DPP10: variants seen among roughly 807,000 people sequenced by gnomAD.
DPP10 encodes the protein dipeptidyl peptidase like 10.
Under a neutral mutation model 120.9 loss-of-function variants are expected in DPP10, and 33 were observed. The ratio of observed to expected loss-of-function variants is 0.27; its 90% CI spans 0.21 to 0.37. The LOEUF is 0.37. Among genes scored for constraint, DPP10 ranks in the 10% least tolerant of loss-of-function variants. The pLI, the probability that DPP10 is intolerant of heterozygous loss-of-function variation, is 1.00. For synonymous variants in DPP10, 337 were observed against 326.1 expected, an observed-to-expected ratio of 1.03 and a Z score of -0.36; for missense variants, 816 against 942.8, an observed-to-expected ratio of 0.87 and a Z score of 1.76.
At chr2:115,595,367 C>T (rs1230284464) in intron 5 of DPP10, among the ~76,000 whole-genome samples, 3 of 152,016 alleles carry the variant, frequency 2.0e-5, no homozygotes, top group Admixed American at 6.6e-5. Context: ...ATTATTAATG[C>T]TAAAGCTTAT....
chr2:115,839,673 CAAA>C (rs57734176), intron 24 of DPP10, among the ~76,000 whole-genome samples: 3 of 90,518 alleles, frequency 3.3e-5, no homozygotes, highest in Admixed American at 1.3e-4. Flanking sequence ...GACTCCATCT[CAAA>C]AAAAAAAAAA....
At chr2:115,204,042 C>T (rs542751436) in intron 1 of DPP10, among the ~76,000 whole-genome samples, 2 of 152,200 alleles carry the variant, frequency 1.3e-5, no homozygotes, top group African/African-American at 2.4e-5. Flanking sequence ...AGAGACTCCC[C>T]CTCACGTTCT....
intron 5 of DPP10, among the ~76,000 whole-genome samples, chr2:115,636,841 A>C (rs530744496): frequency 1.1e-4 from 16 of 152,320 alleles, no homozygotes; most frequent in Non-Finnish European, 1.6e-4. Flanking sequence ...ACTTCTGCTC[A>C]CATCCCTTAT....
chr2:115,259,191 C>T (rs1159476257), intron 1 of DPP10, among the ~76,000 whole-genome samples: 4 of 152,010 alleles, frequency 2.6e-5, no homozygotes, highest in African/African-American at 9.7e-5. Context: ...GAAGGAATAG[C>T]AAAAGGCCGG....
At chr2:115,840,321 T>TTTTTG in intron 24 of DPP10, among the ~76,000 whole-genome samples, 2 of 109,408 alleles carry the variant, frequency 1.8e-5, no homozygotes, top group African/African-American at 7.3e-5. Context: ...GTTTTTTGGT[T>TTTTTG]TTTTTTTTTT....
At chr2:114,939,195 G>A (rs1696707878) in intron 1 of DPP10, among the ~76,000 whole-genome samples, 1 of 152,092 alleles carries the variant, frequency 6.6e-6, no homozygotes, top group East Asian at 1.9e-4. Flanking sequence ...AGTGGAAGTG[G>A]AACATCATTA....
intron 1 of DPP10, among the ~76,000 whole-genome samples, chr2:115,268,677 G>A (rs1203056717): frequency 6.6e-6 from 1 of 152,108 alleles, no homozygotes; most frequent in Non-Finnish European, 1.5e-5. Context: ...TATCGATTAT[G>A]TACTTTGGTG....
chr2:114,850,727 T>G (rs1033815007), intron 1 of DPP10, among the ~76,000 whole-genome samples: 1 of 152,066 alleles, frequency 6.6e-6, no homozygotes, highest in African/African-American at 2.4e-5. Context: ...CCATAACCAG[T>G]TCAAAAAGGA....
At chr2:115,755,832 A>G (rs777776608) in intron 11 of DPP10, among the ~76,000 whole-genome samples, 7 of 152,020 alleles carry the variant, frequency 4.6e-5, no homozygotes, top group South Asian at 2.1e-4. Context: ...AATAGTAGGG[A>G]TGTAGAATCA....
At chr2:114,679,065 A>T (rs933333735) in intron 1 of DPP10, among the ~76,000 whole-genome samples, 3 of 152,012 alleles carry the variant, frequency 2.0e-5, no homozygotes, top group African/African-American at 7.2e-5. Context: ...CCATTCCAAT[A>T]TTGTCCACGG....
chr2:115,781,637 T>C (rs1372906742), intron 16 of DPP10, among the ~76,000 whole-genome samples: 1 of 151,938 alleles, frequency 6.6e-6, no homozygotes, highest in Non-Finnish European at 1.5e-5. Context: ...GCAGCTGATA[T>C]ATTAAGCTGT....
intron 1 of DPP10, among the ~76,000 whole-genome samples, chr2:114,615,046 TAGTG>T (rs1339095351): frequency 1.3e-5 from 2 of 152,164 alleles, no homozygotes; most frequent in African/African-American, 2.4e-5. Context: ...TGTAATTTAT[TAGTG>T]AGTCCATGGA....
intron 5 of DPP10, among the ~76,000 whole-genome samples, chr2:115,564,312 G>A (rs2149063013): frequency 7.2e-6 from 1 of 138,212 alleles, no homozygotes. Flanking sequence ...CATCCTACTT[G>A]CTCAGGTAAA....
intron 8 of DPP10, among the ~76,000 whole-genome samples, chr2:115,733,754 G>A (rs1221490170): frequency 6.6e-6 from 1 of 152,154 alleles, no homozygotes; most frequent in Non-Finnish European, 1.5e-5. Context: ...TTGTGGAAGT[G>A]CTTTGTGTTG....
chr2:115,527,347 A>G (rs1468744633), intron 5 of DPP10, among the ~76,000 whole-genome samples: 1 of 152,156 alleles, frequency 6.6e-6, no homozygotes, highest in Non-Finnish European at 1.5e-5. Flanking sequence ...AAGCCCACAA[A>G]AAACAAAAAC....
intron 1 of DPP10, among the ~76,000 whole-genome samples, chr2:114,857,989 T>TTTTTG (rs967068270): frequency 3.3e-5 from 5 of 152,122 alleles, no homozygotes; most frequent in Admixed American, 1.3e-4. Flanking sequence ...GTTTGTTTGC[T>TTTTTG]TTTTGTTTTG....
Position 114,912,249 on chromosome 2 carries a change from CA to C in DPP10, c.61-396989del, listed in dbSNP as rs1694422990. Among the ~76,000 whole-genome samples, 3 of 152,076 alleles carry C rather than the reference CA, an allele frequency of 2.0e-5. No individual in the cohort carries two copies. The South Asian group carries it at 6.2e-4, about 32-fold the overall frequency. On this transcript the variant is annotated intron_variant, in intron 1 of 25. Transcript: ENST00000410059. ...GAGTAAACATTTTCTCTCCATTTCTCAGGGGAGGAGTGAGGACAACTTTCCC... is the reference window on the plus strand; with the variant it reads ...GAGTAAACATTTTCTCTCCATTTCTCGGGGAGGAGTGAGGACAACTTTCCC...
At chr2:115,710,266 C>G (rs1362278323) in intron 7 of DPP10, among the ~76,000 whole-genome samples, 5 of 151,972 alleles carry the variant, frequency 3.3e-5, no homozygotes, top group Non-Finnish European at 7.4e-5. Context: ...AAACATAAAC[C>G]ACTAAATTTC....
chr2:115,049,059 GTAGA>G (rs1705276421), intron 1 of DPP10, among the ~76,000 whole-genome samples: 1 of 151,930 alleles, frequency 6.6e-6, no homozygotes. Flanking sequence ...GGGTGGTTTG[GTAGA>G]TGGATGGTTA....
Sources: gnomAD v4.1 joint callset for allele counts (sites outside exome capture counted in the v4.1 genomes callset) on GRCh38, gnomAD v4.1.1 for gene constraint, MANE v1.5 for transcripts, NCBI Gene and HGNC (gene_info 2026-07-23, HGNC 2026-07-21) for gene names.